The following RANBP2 variants were observed in gnomAD, a reference collection of about 807,000 sequenced individuals.
The protein encoded by RANBP2 is RAN binding protein 2.
A neutral mutation model predicts 303.6 loss-of-function variants in RANBP2; 57 were observed. The ratio of observed to expected loss-of-function variants is 0.19; its 90% CI spans 0.15 to 0.23. The LOEUF is 0.23. RANBP2 is among the 10% of genes least tolerant of loss of function. RANBP2 has a pLI of 1.00. For synonymous variants in RANBP2, 1,167 were observed against 1,301.5 expected, an observed-to-expected ratio of 0.90 and a Z score of 2.23; for missense variants, 3,138 against 3,780.8, an observed-to-expected ratio of 0.83 and a Z score of 4.46.
chr2:109,151,750 A>G, the RANBP2 span, among the ~76,000 whole-genome samples: 1 of 152,228 alleles, frequency 6.6e-6, no homozygotes, highest in East Asian at 1.9e-4. Context: ...GGATCAGACC[A>G]CTTCAGATAT....
the RANBP2 span, among the ~76,000 whole-genome samples, chr2:109,438,145 G>A: frequency 3.3e-5 from 5 of 152,208 alleles, no homozygotes; most frequent in African/African-American, 9.6e-5. Context: ...GGAAAGAGGA[G>A]ACAACACTTA....
At chr2:109,287,475 A>C in the RANBP2 span, among the ~76,000 whole-genome samples, 1 of 152,270 alleles carries the variant, frequency 6.6e-6, no homozygotes, top group African/African-American at 2.4e-5. Context: ...CCTAAGAGAG[A>C]TACCTCCCTT....
At chr2:109,047,810 A>G in the RANBP2 span, among the ~76,000 whole-genome samples, 10 of 152,324 alleles carry the variant, frequency 6.6e-5, no homozygotes, top group African/African-American at 2.4e-4. Context: ...CTCCATCTCA[A>G]AAACAAAAAA....
chr2:109,337,970 G>A, the RANBP2 span, among the ~76,000 whole-genome samples: 5 of 152,096 alleles, frequency 3.3e-5, no homozygotes, highest in South Asian at 2.1e-4. Context: ...GAGTTCAAGT[G>A]ATCTGCCTGC....
the RANBP2 span, among the ~76,000 whole-genome samples, chr2:109,644,046 A>T: frequency 6.6e-6 from 1 of 151,460 alleles, no homozygotes; most frequent in Non-Finnish European, 1.5e-5. Flanking sequence ...GCTTGAACCC[A>T]GGAGGCGGAG....
At chr2:109,565,293 C>T in the RANBP2 span, among the ~76,000 whole-genome samples, 1 of 151,866 alleles carries the variant, frequency 6.6e-6, no homozygotes, top group African/African-American at 2.4e-5. Flanking sequence ...GTAAATGAAC[C>T]ATATAATACT....
At chr2:109,720,377 T>C in the RANBP2 span, among the ~76,000 whole-genome samples, 1 of 152,128 alleles carries the variant, frequency 6.6e-6, no homozygotes, top group Non-Finnish European at 1.5e-5. Context: ...TCAGTGGTTC[T>C]TAATTCTGGC....
chr2:109,309,720 A>C, the RANBP2 span, among the ~76,000 whole-genome samples: 1 of 127,900 alleles, frequency 7.8e-6, no homozygotes, highest in Admixed American at 7.6e-5. Flanking sequence ...ACTTTAAACC[A>C]ACAAAGATCA....
the RANBP2 span, among the ~76,000 whole-genome samples, chr2:109,230,858 TCACTGGCCAATAGGA>T: frequency 6.6e-6 from 1 of 152,216 alleles, no homozygotes; most frequent in African/African-American, 2.4e-5. Context: ...CCCTAGGAGT[TCACTGGCCAATAGGA>T]CTCCCTTTGG....
chr2:109,625,858 G>C, the RANBP2 span, among the ~76,000 whole-genome samples: 8 of 152,262 alleles, frequency 5.3e-5, no homozygotes, highest in African/African-American at 1.9e-4. Flanking sequence ...AGCATGCTTA[G>C]TCAGAGTATT....
chr2:108,753,911 C>T lies in RANBP2; in HGVS notation c.2142C>T (p.Thr714=), dbSNP rs371899344. The stretch of plus-strand genomic sequence containing the variant: ...AATGCAAAAATTATCTGAGAAAGAC[C>T]AGGGACTACCTAATAAAGATTATAG... ...QEECKNYLRK[T]RDYLIKIIDD... The change falls in exon 15 of 29, where the codon ACC becomes ACT. Residue 714 remains threonine, a synonymous_variant. Coordinates refer to ENST00000283195, the MANE Select transcript of RANBP2 (RefSeq NM_006267.5). The T allele has an allele frequency of 2.4e-5, 38 of 1,611,818 alleles. No homozygotes were observed. In the East Asian group the frequency reaches 3.3e-4, roughly 14 times the overall value.
At chr2:109,116,867 C>T in the RANBP2 span, among the ~76,000 whole-genome samples, 4 of 152,236 alleles carry the variant, frequency 2.6e-5, no homozygotes, top group Non-Finnish European at 5.9e-5. Context: ...ACCTCAGCTG[C>T]AGGTCTGTTG....
At chr2:109,293,333 T>C in the RANBP2 span, among the ~76,000 whole-genome samples, 1 of 152,210 alleles carries the variant, frequency 6.6e-6, no homozygotes, top group Non-Finnish European at 1.5e-5. Context: ...GACACAGAAG[T>C]GTCCATTTGT....
the RANBP2 span, chr2:108,884,143 T>A: frequency 6.6e-6 from 1 of 152,570 alleles, no homozygotes; most frequent in African/African-American, 2.4e-5. Flanking sequence ...GCTCAAGTGA[T>A]CCTTCTGCCT....
At chr2:109,435,654 G>A in the RANBP2 span, among the ~76,000 whole-genome samples, 73 of 152,382 alleles carry the variant, frequency 4.8e-4, no homozygotes, top group African/African-American at 1.6e-3. Flanking sequence ...AGGGCAGAGG[G>A]AAAGGGTTTT....
At chr2:108,787,981 CAG>C (rs748365704), downstream of RANBP2, 30 of 1,353,580 alleles carry the variant, frequency 2.2e-5, no homozygotes, top group Non-Finnish European at 2.9e-5. Context: ...TATTTTGAGA[CAG>C]TAAATTGATT....
At chr2:108,748,591 C>A (rs1675572693) in intron 8 of RANBP2, among the ~76,000 whole-genome samples, 1 of 152,108 alleles carries the variant, frequency 6.6e-6, no homozygotes, top group African/African-American at 2.4e-5. Flanking sequence ...TGTATCAGAT[C>A]AGAGAATAAG....
the RANBP2 span, among the ~76,000 whole-genome samples, chr2:109,417,540 G>A: frequency 6.6e-6 from 1 of 152,086 alleles, no homozygotes; most frequent in Non-Finnish European, 1.5e-5. Flanking sequence ...CCCTCCACAG[G>A]ACCCTCAGCC....
chr2:109,419,518 T>G, the RANBP2 span: 8 of 1,573,654 alleles, frequency 5.1e-6, no homozygotes, highest in South Asian at 9.3e-5. Flanking sequence ...CTCACTCCTG[T>G]CCCCTCTTGT....
Sources: allele counts gnomAD v4.1 joint callset (sites outside exome capture counted in the v4.1 genomes callset), GRCh38; gene constraint gnomAD v4.1.1; transcripts MANE v1.5; gene names NCBI Gene and HGNC (gene_info 2026-07-23, HGNC 2026-07-21).